ACSF3: variants seen among roughly 807,000 people sequenced by gnomAD.
ACSF3 encodes the protein acyl-CoA synthetase family member 3.
Under a neutral mutation model 53.2 loss-of-function variants are expected in ACSF3, and 78 were observed. That is an observed-to-expected ratio of 1.47 (90% CI 1.22 to 1.77). The LOEUF is 1.77. ACSF3 is among the 40% of genes most tolerant of loss of function. The probability of loss-of-function intolerance (pLI) is 0.00; values close to 1 mark genes in which losing one functional copy is unlikely to be tolerated. For synonymous variants in ACSF3, 414 were observed against 333.1 expected (o/e 1.24, Z -2.65); for missense variants, 937 against 771.1 (o/e 1.22, Z -2.55).
chr16:89,101,175 TC>T lies in ACSF3; in HGVS notation c.497del (p.Pro166ArgfsTer14). On this transcript the variant is annotated frameshift_variant, in exon 3 of 11. Coordinates refer to ENST00000614302, the MANE Select transcript of ACSF3 (RefSeq NM_001243279.3). LOFTEE classifies it high-confidence loss of function. Reference protein sequence around the residue: ...LLSPVVRKLGVPLLPLTPAIY... With the variant: ...LLSPVVRKLGXPLLPLTPAIY... Reference sequence around the variant, plus strand: ...AGCCCGGTGGTCAGGAAGCTGGGGGTCCCGCTGCTGCCGCTCACACCAGCCA... The same window carrying T: ...AGCCCGGTGGTCAGGAAGCTGGGGGTCCGCTGCTGCCGCTCACACCAGCCA... 2 of 1,610,720 alleles carry T rather than the reference TC, an allele frequency of 1.2e-6. No homozygotes were observed. Among genetic ancestry groups the T allele is most frequent in the Non-Finnish European group, 1.7e-6 (2 of 1,178,852 alleles).
intron 1 of ACSF3, among the ~76,000 whole-genome samples, chr16:89,097,418 G>A (rs977902196): frequency 5.9e-5 from 9 of 152,226 alleles, no homozygotes; most frequent in African/African-American, 1.2e-4. Context: ...AGAAAGCACC[G>A]TCCCCTGCTC....
At chr16:89,146,173 A>G (rs2151565422) in intron 10 of ACSF3, 124 bp downstream of exon 10, 2 of 710,424 alleles carry the variant, frequency 2.8e-6, no homozygotes, top group South Asian at 3.5e-5. Context: ...AAAGACCAGC[A>G]GTGAGGGTCC....
chr16:89,120,886 C>A lies in ACSF3; in HGVS notation c.1212C>A (p.His404Gln). 6.2e-7 allele frequency: 1 copy of A among 1,614,042 alleles called. No individual in the cohort carries two copies. The highest frequency in any genetic ancestry group is 8.5e-7 in the Non-Finnish European group (1 of 1,179,996). The change falls in exon 7 of 11, where the codon CAC becomes CAA. Residue 404 changes from histidine to glutamine, a missense_variant. Transcript: ENST00000614302. ...GGGAAGCCTGCTCCTACACCATCCA[C>A]GCAGAGGGAGACGAGAGGGGGACCA... The part of the protein sequence containing the change: ...PQREACSYTI[H>Q]AEGDERGTKV...
chr16:89,116,177 T>C (rs939042699), intron 6 of ACSF3, among the ~76,000 whole-genome samples: 3 of 152,224 alleles, frequency 2.0e-5, no homozygotes, highest in Non-Finnish European at 2.9e-5. Flanking sequence ...TCTAACTTTT[T>C]AGCACTGTTC....
Position 89,133,134 on chromosome 16 carries a change from A to G in ACSF3, c.1240-2A>G. On this transcript the variant is annotated splice_acceptor_variant, in intron 7 of 10. Transcript: ENST00000614302. LOFTEE classifies it high-confidence loss of function. ...GACCTCCATGTTCTTCATCCTCCAC[A>G]GGTGACCCCAGGGTTTGAAGAAAAG... 6.2e-7 allele frequency: 1 copy of G among 1,613,700 alleles called. No homozygotes were observed. Among genetic ancestry groups the G allele is most frequent in the African/African-American group, 1.3e-5 (1 of 75,018 alleles).
At chr16:89,139,476 G>A (rs1027197274) in intron 8 of ACSF3, among the ~76,000 whole-genome samples, 1 of 151,992 alleles carries the variant, frequency 6.6e-6, no homozygotes, top group African/African-American at 2.4e-5. Context: ...CGGTTTGGCT[G>A]CGTATAGGGT....
At chr16:89,106,821 G>A (rs1479394146) in intron 4 of ACSF3, among the ~76,000 whole-genome samples, 2 of 152,228 alleles carry the variant, frequency 1.3e-5, no homozygotes, top group African/African-American at 2.4e-5. Flanking sequence ...TCTCAGACGC[G>A]GTGTCTTCAA....
In ACSF3 at chr16:89,136,620, C is replaced by T. The variant is rs560830486; in HGVS notation, c.1366+3358C>T. On this transcript the variant is annotated intron_variant, in intron 8 of 10. Transcript: ENST00000614302. ...GACAGCCAGGGATGGCTGGACACAG[C>T]TGAGGATGGCCGAGGCCGGCCTGCA... 2.3e-6 allele frequency: 3 copies of T among 1,287,254 alleles called. No individual in the cohort carries two copies. In the South Asian group the frequency reaches 3.7e-5, roughly 16 times the overall value. The allele number at this position is 1,287,254 out of a possible 1,614,324, so 79.7% of individuals were successfully genotyped here.
At chr16:89,139,749 C>T (rs1272759937) in intron 8 of ACSF3, among the ~76,000 whole-genome samples, 1 of 151,998 alleles carries the variant, frequency 6.6e-6, no homozygotes, top group Admixed American at 6.6e-5. Context: ...CGCCCACCAC[C>T]ACACCTGGCT....
chr16:89,132,062 G>A (rs976612603), intron 7 of ACSF3, among the ~76,000 whole-genome samples: 2 of 152,268 alleles, frequency 1.3e-5, no homozygotes, highest in African/African-American at 4.8e-5. Flanking sequence ...GTTGGCAGCA[G>A]GACGACACAC....
At chr16:89,116,100 C>G (rs901555428) in intron 6 of ACSF3, among the ~76,000 whole-genome samples, 2 of 152,178 alleles carry the variant, frequency 1.3e-5, no homozygotes, top group Admixed American at 1.3e-4. Flanking sequence ...GGACCATGAT[C>G]CATTTTGAGT....
At position 89,130,313 on chromosome 16, in the gene ACSF3, T is replaced by C. The variant is rs1356385829; in HGVS notation, c.1240-2823T>C. Among the ~76,000 whole-genome samples the C allele has an allele frequency of 7.9e-5, 12 of 152,200 alleles. 1 individual carries two copies. The highest frequency in any genetic ancestry group is 7.9e-4 in the Admixed American group (12 of 15,276). On this transcript the variant is annotated intron_variant, in intron 7 of 10. Transcript: ENST00000614302. ...TTGGCTGGATGTGGCAGCTCATGCC[T>C]ATAGTCCCAGCACTTTGGGAGGCCA...
At chr16:89,111,420 C>T (rs777668212) in intron 4 of ACSF3, among the ~76,000 whole-genome samples, 5 of 152,340 alleles carry the variant, frequency 3.3e-5, no homozygotes, top group Non-Finnish European at 5.9e-5. Context: ...CGAGATCTGT[C>T]CTGTGTGTCC....
chr16:89,127,854 A>G (rs1319136097), intron 7 of ACSF3, among the ~76,000 whole-genome samples: 1 of 152,192 alleles, frequency 6.6e-6, no homozygotes, highest in Non-Finnish European at 1.5e-5. Context: ...TAAAAGGTTG[A>G]TTAAAAGGTT....
At chr16:89,106,886 TGGG>T (rs1002518497) in intron 4 of ACSF3, among the ~76,000 whole-genome samples, 2 of 152,212 alleles carry the variant, frequency 1.3e-5, no homozygotes, top group Admixed American at 1.3e-4. Flanking sequence ...CGGATGGGGT[TGGG>T]GGAGAGGAGG....
At chr16:89,124,118 G>A (rs62068484) in intron 7 of ACSF3, among the ~76,000 whole-genome samples, 3 of 18,568 alleles carry the variant, frequency 1.6e-4, no homozygotes, top group South Asian at 1.4e-3. Context: ...CCTAGTGTGC[G>A]CATGGGTATC....
intron 6 of ACSF3, among the ~76,000 whole-genome samples, chr16:89,117,909 G>A (rs1236449193): frequency 2.0e-5 from 3 of 152,234 alleles, no homozygotes; most frequent in Non-Finnish European, 2.9e-5. Context: ...AGGTTCCCTC[G>A]GGTGCCGGGG....
At chr16:89,110,932 C>T (rs899102871) in intron 4 of ACSF3, among the ~76,000 whole-genome samples, 40 of 152,326 alleles carry the variant, frequency 2.6e-4, no homozygotes, top group African/African-American at 8.9e-4. Flanking sequence ...AGATCACCCC[C>T]GTTGACTGTG....
intron 8 of ACSF3, chr16:89,136,977 C>G (rs1910631020): frequency 1.8e-6 from 2 of 1,087,996 alleles, no homozygotes; most frequent in African/African-American, 3.3e-5. Flanking sequence ...TGCAGATGCT[C>G]TGACTCCACG....
Sources: gnomAD v4.1 joint callset for allele counts (sites outside exome capture counted in the v4.1 genomes callset) on GRCh38, gnomAD v4.1.1 for gene constraint, MANE v1.5 for transcripts, NCBI Gene and HGNC (gene_info 2026-07-23, HGNC 2026-07-21) for gene names.